Variants in FRMD4B observed in about 807,000 individuals in gnomAD.
FRMD4B encodes the protein FERM domain-containing protein 4B.
A neutral mutation model predicts 141.5 loss-of-function variants in FRMD4B; 74 were observed. The ratio of observed to expected loss-of-function variants is 0.52; its 90% confidence interval spans 0.43 to 0.63. The LOEUF (loss-of-function observed/expected upper bound fraction) is 0.63. Ranked by LOEUF, FRMD4B falls within the 30% of genes least tolerant of loss-of-function variation. The pLI is 0.00. For synonymous variants in FRMD4B, 506 were observed against 467.9 expected, an observed-to-expected ratio of 1.08 and a Z score of -1.05; for missense variants, 1,366 against 1,253.4, an observed-to-expected ratio of 1.09 and a Z score of -1.36.
At chr3:69,211,677 G>A (rs528751968) in intron 11 of FRMD4B, among the ~76,000 whole-genome samples, 2 of 152,138 alleles carry the variant, frequency 1.3e-5, no homozygotes, top group African/African-American at 2.4e-5. Context: ...GTAACAAGAC[G>A]GGATGTGGCT....
intron 1 of FRMD4B, among the ~76,000 whole-genome samples, chr3:69,518,049 A>T (rs543809092): frequency 1.2e-3 from 183 of 152,262 alleles, no homozygotes; most frequent in South Asian, 8.3e-3. Flanking sequence ...GAACCACAGG[A>T]ATCTGAGCTC....
intron 11 of FRMD4B, among the ~76,000 whole-genome samples, chr3:69,202,321 G>C (rs1229133289): frequency 6.6e-6 from 1 of 152,176 alleles, no homozygotes; most frequent in East Asian, 1.9e-4. Flanking sequence ...CTATTATTTG[G>C]ACAATATTGG....
chr3:69,197,212 T>C (rs2092916947), intron 12 of FRMD4B, among the ~76,000 whole-genome samples, 174 bp from the exon 13 acceptor site: 1 of 152,130 alleles, frequency 6.6e-6, no homozygotes, highest in African/African-American at 2.4e-5. Flanking sequence ...AACAAAACAA[T>C]TCAGACCTAA....
chr3:69,493,728 C>G (rs77242281), intron 1 of FRMD4B, among the ~76,000 whole-genome samples: 8 of 152,060 alleles, frequency 5.3e-5, no homozygotes, highest in African/African-American at 1.9e-4. Flanking sequence ...ATAAGCTTCA[C>G]GAAGGCAGGG....
rs551679562 is a variant in FRMD4B at position 69,298,244 on chromosome 3, T to G, written c.416+4099A>C. Reference sequence around the variant, plus strand: ...ATAAATGCTACAATAAATAAAATATTTTCTTACATTTGCATAATGTTTTGC... The same window carrying G: ...ATAAATGCTACAATAAATAAAATATGTTCTTACATTTGCATAATGTTTTGC... On this transcript the variant is annotated intron_variant, in intron 4 of 22. Transcript: ENST00000398540. 2.0e-5 allele frequency among the ~76,000 whole-genome samples: 3 copies of G among 152,360 alleles called. No individual in the cohort carries two copies. The East Asian group carries it at 5.8e-4, about 29-fold the overall frequency.
At chr3:69,490,116 G>A (rs1176314631) in intron 1 of FRMD4B, among the ~76,000 whole-genome samples, 1 of 152,076 alleles carries the variant, frequency 6.6e-6, no homozygotes, top group Non-Finnish European at 1.5e-5. Flanking sequence ...TTTCTTTTTG[G>A]GATGATGAAA....
chr3:69,182,804 A>G (rs1335511451), intron 19 of FRMD4B, 87 bp from the exon 20 acceptor site: 3 of 1,289,036 alleles, frequency 2.3e-6, no homozygotes, highest in Non-Finnish European at 3.3e-6. Flanking sequence ...AAAACTTACT[A>G]GAAGCCCAAG....
At chr3:69,500,471 A>G (rs1183347358) in intron 1 of FRMD4B, among the ~76,000 whole-genome samples, 3 of 152,140 alleles carry the variant, frequency 2.0e-5, no homozygotes, top group African/African-American at 7.2e-5. Context: ...GGAGAGTTTC[A>G]GTGAGTCAGG....
intron 5 of FRMD4B, among the ~76,000 whole-genome samples, chr3:69,251,869 A>C (rs1239791804): frequency 6.6e-6 from 1 of 152,258 alleles, no homozygotes. Context: ...GAAAGGCTAC[A>C]TTCCTTAGTT....
chr3:69,227,041 TG>T (rs1216669492), intron 7 of FRMD4B, among the ~76,000 whole-genome samples: 1 of 152,202 alleles, frequency 6.6e-6, no homozygotes, highest in African/African-American at 2.4e-5. Flanking sequence ...GTGTTTCAAC[TG>T]GAGAAAAATA....
At chr3:69,285,397 C>CAAAA (rs56161837) in intron 5 of FRMD4B, among the ~76,000 whole-genome samples, 3 of 98,932 alleles carry the variant, frequency 3.0e-5, no homozygotes, top group Non-Finnish European at 5.9e-5. Flanking sequence ...TACATGAGGC[C>CAAAA]AAAAAAAAAA....
chr3:69,221,831 T>A (rs1451533006), intron 9 of FRMD4B, 27 bp downstream of exon 9: 1 of 1,235,718 alleles, frequency 8.1e-7, no homozygotes, highest in Non-Finnish European at 1.2e-6. Flanking sequence ...ATTAAAATTA[T>A]ATCTAAGCAA....
At chr3:69,190,971 C>G (rs1045002190) in intron 17 of FRMD4B, among the ~76,000 whole-genome samples, 1 of 152,166 alleles carries the variant, frequency 6.6e-6, no homozygotes, top group African/African-American at 2.4e-5. Flanking sequence ...TGGGGTGAGG[C>G]GTTAGAATAA....
intron 3 of FRMD4B, chr3:69,310,655 T>A (rs933002403): frequency 1.5e-5 from 4 of 270,664 alleles, no homozygotes; most frequent in Admixed American, 9.5e-5. Flanking sequence ...GAGTGTTAAA[T>A]TCTCATGAAT....
At chr3:69,538,111 T>G (rs1334576678) in intron 1 of FRMD4B, among the ~76,000 whole-genome samples, 1 of 152,172 alleles carries the variant, frequency 6.6e-6, no homozygotes, top group Non-Finnish European at 1.5e-5. Context: ...CTTGAAACTG[T>G]GTAAACGAGC....
chr3:69,402,344 A>G (rs1205049620), intron 2 of FRMD4B, among the ~76,000 whole-genome samples: 1 of 152,228 alleles, frequency 6.6e-6, no homozygotes, highest in Non-Finnish European at 1.5e-5. Flanking sequence ...AAACAAGGCA[A>G]TTACCAAGAT....
At chr3:69,264,592 G>T (rs921163900) in intron 5 of FRMD4B, among the ~76,000 whole-genome samples, 5 of 152,036 alleles carry the variant, frequency 3.3e-5, no homozygotes, top group South Asian at 2.1e-4. Context: ...AGCAATTCTA[G>T]ATAAGCAAAT....
chr3:69,536,199 G>C, intron 1 of FRMD4B: 1 of 583,700 alleles, frequency 1.7e-6, no homozygotes, highest in South Asian at 1.8e-5. Context: ...CCCGCGTTAG[G>C]AGGATCCTCC....
chr3:69,487,828 T>C (rs1250250926), intron 1 of FRMD4B, among the ~76,000 whole-genome samples: 2 of 152,186 alleles, frequency 1.3e-5, no homozygotes, highest in Non-Finnish European at 2.9e-5. Flanking sequence ...CCTGGGAAGA[T>C]GAATACCCAG....
Sources: allele counts gnomAD v4.1 joint callset (sites outside exome capture counted in the v4.1 genomes callset), GRCh38; gene constraint gnomAD v4.1.1; transcripts MANE v1.5; gene names NCBI Gene and HGNC (gene_info 2026-07-23, HGNC 2026-07-21).